The following AKNAD1 variants were observed in gnomAD, a reference collection of about 807,000 sequenced individuals.
AKNAD1 encodes the protein protein AKNAD1.
A neutral mutation model predicts 90.8 loss-of-function variants in AKNAD1; 67 were observed. That is an observed-to-expected ratio of 0.74 (90% CI 0.61 to 0.90). The LOEUF is 0.90. Ranked by LOEUF, AKNAD1 falls within the 40% of genes least tolerant of loss-of-function variation. The probability of loss-of-function intolerance (pLI) is 0.00; values close to 1 mark genes in which losing one functional copy is unlikely to be tolerated. For missense variants in AKNAD1, 957 were observed against 975.4 expected (o/e 0.98, Z 0.25); for synonymous variants, 327 against 341.4 (o/e 0.96, Z 0.46).
intron 11 of AKNAD1, 29 bp from the exon 12 acceptor site, chr1:108,823,717 G>T: frequency 6.2e-7 from 1 of 1,613,828 alleles, no homozygotes; most frequent in South Asian, 1.1e-5. Flanking sequence ...CATGAATGAA[G>T]GGTAAGTGTC....
intron 13 of AKNAD1, 29 bp downstream of exon 13, chr1:108,823,341 G>T (rs1287125910): frequency 6.7e-7 from 1 of 1,503,172 alleles, no homozygotes; most frequent in Non-Finnish European, 9.3e-7. Flanking sequence ...TTGTTGATAT[G>T]GATGGGGTCA....
In AKNAD1 at chr1:108,830,666, C is replaced by T. The variant is rs769893580; in HGVS notation, c.1747-16G>A. The T allele has an allele frequency of 3.2e-5, 51 of 1,613,506 alleles. No individual in the cohort carries two copies. The East Asian group carries it at 1.0e-3, about 33-fold the overall frequency. On this transcript the variant is annotated splice_polypyrimidine_tract_variant and intron_variant, in intron 9 of 15. Coordinates refer to ENST00000370001, the MANE Select transcript of AKNAD1 (RefSeq NM_152763.5). ...TGGGATCCTCCTGCGCCACAAAGCA[C>T]ACAGATGGAGATGTGATAGAGGATG...
chr1:108,839,115 G>A (rs1219478304), intron 6 of AKNAD1, among the ~76,000 whole-genome samples: 1 of 152,096 alleles, frequency 6.6e-6, no homozygotes, highest in Non-Finnish European at 1.5e-5. Context: ...ATAGAACCTT[G>A]GAGTTCACTA....
At chr1:108,817,668 AT>A (rs1172911418) in intron 14 of AKNAD1, among the ~76,000 whole-genome samples, 4 of 150,480 alleles carry the variant, frequency 2.7e-5, no homozygotes, top group Non-Finnish European at 5.9e-5. Context: ...CGCCCGGCTA[AT>A]TTTTTGTATT....
At chr1:108,834,788 G>A in intron 8 of AKNAD1, 141 bp downstream of exon 8, 2 of 1,313,650 alleles carry the variant, frequency 1.5e-6, no homozygotes, top group Non-Finnish European at 2.1e-6. Flanking sequence ...GGCAGGTGAG[G>A]AGCCAGGCTA....
intron 13 of AKNAD1, among the ~76,000 whole-genome samples, chr1:108,821,043 C>T (rs1478101236): frequency 6.6e-6 from 1 of 152,180 alleles, no homozygotes; most frequent in African/African-American, 2.4e-5. Flanking sequence ...GCTATGATCA[C>T]ATCACTGCCC....
intron 14 of AKNAD1, among the ~76,000 whole-genome samples, chr1:108,817,909 C>T (rs1031332485): frequency 6.6e-6 from 1 of 152,020 alleles, no homozygotes; most frequent in Non-Finnish European, 1.5e-5. Flanking sequence ...TGAGCTTTCA[C>T]CCCAAGGAGG....
chr1:108,844,783 A>G (rs372649742), intron 5 of AKNAD1, among the ~76,000 whole-genome samples: 1 of 152,178 alleles, frequency 6.6e-6, no homozygotes, highest in East Asian at 1.9e-4. Context: ...GCATTGTGCC[A>G]GGACTATAGT....
intron 3 of AKNAD1, 52 bp downstream of exon 3, chr1:108,849,485 A>G (rs372819728): frequency 4.1e-6 from 5 of 1,220,988 alleles, no homozygotes; most frequent in Non-Finnish European, 6.0e-6. Context: ...TCTCAAAAAG[A>G]CAAAAACAAA....
chr1:108,836,754 T>C (rs541492481), intron 7 of AKNAD1: 1 of 152,380 alleles, frequency 6.6e-6, no homozygotes, highest in East Asian at 1.9e-4. Flanking sequence ...TAAATGATTC[T>C]GTTTCTCAGA....
chr1:108,843,300 T>C (rs1202561627), intron 5 of AKNAD1, 33 bp from the exon 6 acceptor site: 8 of 1,609,884 alleles, frequency 5.0e-6, no homozygotes, highest in Non-Finnish European at 6.8e-6. Context: ...ATCATTCACA[T>C]GCAAGCCTGT....
chr1:108,841,961 T>C (rs1053262313), intron 6 of AKNAD1, among the ~76,000 whole-genome samples: 2 of 152,094 alleles, frequency 1.3e-5, no homozygotes, highest in Non-Finnish European at 2.9e-5. Context: ...AAATAAGACA[T>C]TGAATAACTT....
Position 108,823,491 on chromosome 1 carries a change from A to T in AKNAD1, c.2060-14T>A. On this transcript the variant is annotated splice_polypyrimidine_tract_variant and intron_variant, in intron 12 of 15. Coordinates refer to ENST00000370001, the MANE Select transcript of AKNAD1 (RefSeq NM_152763.5). The stretch of plus-strand genomic sequence containing the variant: ...TATAATGAAATTCTGGGAAGAAAAG[A>T]TTAAAAATACAGTTAATTGCCTGGG... 3 of 1,612,738 alleles carry T rather than the reference A, an allele frequency of 1.9e-6. No individual in the cohort carries two copies. The highest frequency in any genetic ancestry group is 1.7e-6 in the Non-Finnish European group (2 of 1,178,720).
At chr1:108,828,819 A>G (rs1172126772) in intron 10 of AKNAD1, among the ~76,000 whole-genome samples, 1 of 151,812 alleles carries the variant, frequency 6.6e-6, no homozygotes, top group African/African-American at 2.4e-5. Flanking sequence ...CATGCAGTCC[A>G]ACACAGGACT....
intron 1 of AKNAD1, among the ~76,000 whole-genome samples, chr1:108,854,709 A>C (rs910636824): frequency 1.3e-5 from 2 of 152,218 alleles, no homozygotes; most frequent in African/African-American, 4.8e-5. Flanking sequence ...GTATAAAGTG[A>C]GGCATGTCTT....
chr1:108,844,579 G>A (rs975420148), intron 5 of AKNAD1, among the ~76,000 whole-genome samples: 1 of 152,046 alleles, frequency 6.6e-6, no homozygotes, highest in African/African-American at 2.4e-5. Flanking sequence ...GGATGAATTG[G>A]ACAGAGGTTG....
chr1:108,849,256 G>A (rs1008544580), intron 3 of AKNAD1, among the ~76,000 whole-genome samples, 196 bp from the exon 4 acceptor site: 26 of 152,074 alleles, frequency 1.7e-4, no homozygotes, highest in African/African-American at 6.3e-4. Flanking sequence ...CAAAGCGGGG[G>A]GATCACTTGA....
At chr1:108,851,591 T>C (rs1450337307) in intron 2 of AKNAD1, 81 bp downstream of exon 2, 1 of 1,378,372 alleles carries the variant, frequency 7.3e-7, no homozygotes, top group East Asian at 2.3e-5. Flanking sequence ...AACCAAGCTC[T>C]ATTCACCCTC....
chr1:108,828,356 C>T (rs2101173763), intron 10 of AKNAD1, among the ~76,000 whole-genome samples: 1 of 151,852 alleles, frequency 6.6e-6, no homozygotes, highest in African/African-American at 2.4e-5. Flanking sequence ...CTGTGGCCCA[C>T]CTGCAGCTTC....
Sources: gnomAD v4.1 joint callset for allele counts (sites outside exome capture counted in the v4.1 genomes callset) on GRCh38, gnomAD v4.1.1 for gene constraint, MANE v1.5 for transcripts, NCBI Gene and HGNC (gene_info 2026-07-23, HGNC 2026-07-21) for gene names.